Variants in RBMS3 observed in about 807,000 individuals in gnomAD.
The protein encoded by RBMS3 is RNA binding motif single stranded interacting protein 3.
A neutral mutation model predicts 66.8 loss-of-function variants in RBMS3; 27 were observed. The observed-to-expected ratio is 0.40, with a 90% CI of 0.30 to 0.56. The LOEUF is 0.56. RBMS3 is among the 20% of genes least tolerant of loss of function. RBMS3 has a pLI of 0.40. For missense variants in RBMS3, 513 were observed against 549.5 expected (o/e 0.93, Z 0.66); for synonymous variants, 188 against 183.0 (o/e 1.03, Z -0.22).
At chr3:29,940,100 C>T (rs2061354701) in intron 11 of RBMS3, among the ~76,000 whole-genome samples, 1 of 151,820 alleles carries the variant, frequency 6.6e-6, no homozygotes, top group African/African-American at 2.4e-5. Flanking sequence ...TTTTCAAGTC[C>T]CACTGATTTT....
In RBMS3 at chr3:29,610,850, T is replaced by TA. The variant is rs2048467322; in HGVS notation, c.399+23649dup. ...TGGTATAATTTTACACATATATTTT[T>TA]AAAATGACACAAGCATTAATGTATC... On this transcript the variant is annotated intron_variant, in intron 4 of 14. Coordinates refer to ENST00000383767, the MANE Select transcript of RBMS3 (RefSeq NM_001003793.3). 2.6e-5 allele frequency among the ~76,000 whole-genome samples: 4 copies of TA among 152,138 alleles called. No individual in the cohort carries two copies. The South Asian group carries it at 8.3e-4, about 32-fold the overall frequency.
intron 6 of RBMS3, among the ~76,000 whole-genome samples, chr3:29,774,765 G>A (rs1037003566): frequency 5.3e-5 from 8 of 152,030 alleles, no homozygotes; most frequent in Non-Finnish European, 1.5e-5. Flanking sequence ...GGAAGCAAAT[G>A]TTAGAATCCA....
intron 4 of RBMS3, among the ~76,000 whole-genome samples, chr3:29,605,678 T>G (rs1181131991): frequency 6.6e-6 from 1 of 151,950 alleles, no homozygotes; most frequent in Non-Finnish European, 1.5e-5. Context: ...CAGTTATGCT[T>G]GACTTTGGCA....
intron 6 of RBMS3, among the ~76,000 whole-genome samples, chr3:29,836,268 G>A (rs2058505857): frequency 6.6e-6 from 1 of 151,934 alleles, no homozygotes; most frequent in Non-Finnish European, 1.5e-5. Flanking sequence ...CATTTTACTA[G>A]GCTGGCATTA....
At chr3:29,326,920 C>T (rs2035372064) in intron 1 of RBMS3, among the ~76,000 whole-genome samples, 1 of 151,950 alleles carries the variant, frequency 6.6e-6, no homozygotes, top group Non-Finnish European at 1.5e-5. Context: ...TTAGCAGAGA[C>T]GGGGTTTCAC....
intron 1 of RBMS3, among the ~76,000 whole-genome samples, chr3:29,283,164 C>A (rs1330484637): frequency 6.6e-6 from 1 of 152,092 alleles, no homozygotes; most frequent in South Asian, 2.1e-4. Context: ...ACAGTCATTT[C>A]TCATGCCTCA....
intron 8 of RBMS3, among the ~76,000 whole-genome samples, chr3:29,892,775 C>T (rs1275225863): frequency 6.6e-6 from 1 of 150,818 alleles, no homozygotes; most frequent in African/African-American, 2.4e-5. Context: ...CTAGAAAGTT[C>T]CCCAGTAGCA....
At chr3:29,698,381 A>AT (rs539924372) in intron 4 of RBMS3, 325 of 951,628 alleles carry the variant, frequency 3.4e-4, no homozygotes, top group African/African-American at 1.1e-3. Context: ...TGTAAACCAG[A>AT]TTTTTTTTTT....
intron 1 of RBMS3, among the ~76,000 whole-genome samples, chr3:29,415,078 C>T (rs1171419863): frequency 6.6e-6 from 1 of 152,106 alleles, no homozygotes; most frequent in Non-Finnish European, 1.5e-5. Context: ...GGAGTGTTCT[C>T]CCTGTGTAAG....
At chr3:29,750,309 A>C (rs1230155302) in intron 5 of RBMS3, among the ~76,000 whole-genome samples, 1 of 152,184 alleles carries the variant, frequency 6.6e-6, no homozygotes, top group Non-Finnish European at 1.5e-5. Context: ...ATAGCTGATT[A>C]TAAATAACGT....
intron 1 of RBMS3, among the ~76,000 whole-genome samples, chr3:29,334,200 C>A (rs62241720): frequency 0.26 from 39,511 of 151,950 alleles, 5,464 homozygotes; most frequent in Middle Eastern, 0.31. Flanking sequence ...TTGCATTAGC[C>A]TTTTGCTTTT....
At chr3:29,430,630 G>A (rs2041147195) in intron 1 of RBMS3, among the ~76,000 whole-genome samples, 2 of 152,194 alleles carry the variant, frequency 1.3e-5, no homozygotes, top group Admixed American at 1.3e-4. Flanking sequence ...AGCCCTAGGG[G>A]GGAAAAGAAT....
At chr3:29,884,018 G>T in intron 7 of RBMS3, 144 bp from the exon 8 acceptor site, 3 of 623,838 alleles carry the variant, frequency 4.8e-6, no homozygotes, top group Non-Finnish European at 8.1e-6. Context: ...GCTAGTCTTG[G>T]CAGTAAGCAT....
chr3:29,958,060 G>T (rs1047106521), intron 12 of RBMS3, among the ~76,000 whole-genome samples: 1 of 152,132 alleles, frequency 6.6e-6, no homozygotes, highest in Admixed American at 6.6e-5. Flanking sequence ...AGAGCTTACT[G>T]AAGAAATGCA....
At chr3:29,360,932 T>G (rs1367196153) in intron 1 of RBMS3, among the ~76,000 whole-genome samples, 1 of 152,002 alleles carries the variant, frequency 6.6e-6, no homozygotes, top group East Asian at 1.9e-4. Context: ...ATTTTGAGCC[T>G]ATGTGTGTCT....
chr3:29,344,262 T>C (rs1222501001), intron 1 of RBMS3, among the ~76,000 whole-genome samples: 1 of 152,212 alleles, frequency 6.6e-6, no homozygotes, highest in Non-Finnish European at 1.5e-5. Flanking sequence ...AAAGGCATGT[T>C]GTCGACCAGG....
chr3:29,587,030 C>A, intron 3 of RBMS3, 84 bp from the exon 4 acceptor site: 1 of 1,005,864 alleles, frequency 9.9e-7, no homozygotes, highest in Non-Finnish European at 1.5e-6. Flanking sequence ...GAATGCAAGT[C>A]TATCTGTAAA....
At chr3:29,977,857 T>G (rs1697697981) in intron 12 of RBMS3, among the ~76,000 whole-genome samples, 1 of 152,014 alleles carries the variant, frequency 6.6e-6, no homozygotes, top group African/African-American at 2.4e-5. Context: ...AAAAAACTTG[T>G]GTTCATGAAA....
chr3:29,337,402 C>A (rs531430923), intron 1 of RBMS3, among the ~76,000 whole-genome samples: 1 of 151,956 alleles, frequency 6.6e-6, no homozygotes, highest in African/African-American at 2.4e-5. Flanking sequence ...ACTTTGGGAT[C>A]CAGGGGTGGG....
Sources: gnomAD v4.1 joint callset for allele counts (sites outside exome capture counted in the v4.1 genomes callset) on GRCh38, gnomAD v4.1.1 for gene constraint, MANE v1.5 for transcripts, NCBI Gene and HGNC (gene_info 2026-07-23, HGNC 2026-07-21) for gene names.